Variants in CCSER1 observed in about 807,000 individuals in gnomAD.
CCSER1 encodes the protein serine-rich coiled-coil domain-containing protein 1.
In CCSER1, 41 loss-of-function variants were observed where a neutral mutation model predicts 82.0. That is an observed-to-expected ratio of 0.50 (90% confidence interval 0.39 to 0.65). The LOEUF (loss-of-function observed/expected upper bound fraction) is 0.65, where lower values mean the gene tolerates loss of function less well. Among genes scored for constraint, CCSER1 ranks in the 30% least tolerant of loss-of-function variants. The pLI is 0.00. For missense variants in CCSER1, 1,119 were observed against 1,064.2 expected (o/e 1.05, Z -0.72); for synonymous variants, 414 against 383.9 (o/e 1.08, Z -0.92).
rs1254534712 is a variant in CCSER1 at position 91,581,757 on chromosome 4, A to G, written c.2218-16815A>G. On this transcript the variant is annotated intron_variant, in intron 10 of 10. Transcript: ENST00000509176. Reference sequence around the variant, plus strand: ...TACTGCAGAGTTTCTCAACATTAGCACTATTGACATATTGGACTGGATAAA... The same window carrying G: ...TACTGCAGAGTTTCTCAACATTAGCGCTATTGACATATTGGACTGGATAAA... 1.8e-4 allele frequency among the ~76,000 whole-genome samples: 28 copies of G among 151,610 alleles called. No individual in the cohort carries two copies. The Admixed American group carries it at 1.8e-3, about 10-fold the overall frequency.
intron 1 of CCSER1, among the ~76,000 whole-genome samples, chr4:90,302,232 G>A (rs1050493893): frequency 2.0e-5 from 3 of 152,060 alleles, no homozygotes; most frequent in African/African-American, 7.2e-5. Context: ...ATGGTTTTTG[G>A]CATTAAGAAG....
At chr4:91,015,197 G>T (rs1032735966) in intron 9 of CCSER1, among the ~76,000 whole-genome samples, 5 of 151,886 alleles carry the variant, frequency 3.3e-5, no homozygotes, top group Admixed American at 3.3e-4. Context: ...AAAACATGTG[G>T]TTATCTTCAA....
intron 10 of CCSER1, among the ~76,000 whole-genome samples, chr4:91,486,399 A>G (rs1758222178): frequency 6.6e-6 from 1 of 152,024 alleles, no homozygotes; most frequent in Non-Finnish European, 1.5e-5. Context: ...TTGAAATATT[A>G]CAATGCCTTT....
intron 7 of CCSER1, among the ~76,000 whole-genome samples, chr4:90,814,395 T>C (rs1364535201): frequency 6.6e-6 from 1 of 152,206 alleles, no homozygotes; most frequent in Non-Finnish European, 1.5e-5. Context: ...CCCCATTGTC[T>C]TGGCTATAAC....
intron 1 of CCSER1, among the ~76,000 whole-genome samples, chr4:90,176,949 A>G (rs1485544310): frequency 1.3e-5 from 2 of 152,086 alleles, no homozygotes; most frequent in African/African-American, 4.8e-5. Context: ...TTGGTACATG[A>G]GTTAGCATTA....
At chr4:90,993,408 G>T (rs1269381486) in intron 9 of CCSER1, among the ~76,000 whole-genome samples, 1 of 151,512 alleles carries the variant, frequency 6.6e-6, no homozygotes, top group African/African-American at 2.4e-5. Flanking sequence ...GATAACTAAT[G>T]ATCTATAACA....
At chr4:90,473,059 C>T (rs1764606229) in intron 5 of CCSER1, among the ~76,000 whole-genome samples, 1 of 152,018 alleles carries the variant, frequency 6.6e-6, no homozygotes, top group Non-Finnish European at 1.5e-5. Flanking sequence ...AAAGTATAAC[C>T]AAGTATCCAG....
intron 10 of CCSER1, among the ~76,000 whole-genome samples, chr4:91,186,196 G>T (rs1018020225): frequency 6.6e-6 from 1 of 152,146 alleles, no homozygotes; most frequent in Non-Finnish European, 1.5e-5. Flanking sequence ...AAATAATAAG[G>T]AGGGGTTACA....
Position 90,711,876 on chromosome 4 carries a change from A to C in CCSER1, c.1933-12038A>C, listed in dbSNP as rs7654828. On this transcript the variant is annotated intron_variant, in intron 6 of 10. Coordinates refer to ENST00000509176, the MANE Select transcript of CCSER1 (RefSeq NM_001145065.2). ...TAGGGAGAAGTAGTCCCTTCTTTTT[A>C]ATTTCTTGGTATAGTTTCAATAGAA... 9.2e-3 allele frequency among the ~76,000 whole-genome samples: 1,395 copies of C among 151,704 alleles called. 18 individuals carry two copies. Among genetic ancestry groups the C allele is most frequent in the African/African-American group, 0.031 (1,300 of 41,408 alleles).
At chr4:90,434,866 T>G (rs1476540753) in intron 4 of CCSER1, among the ~76,000 whole-genome samples, 1 of 152,210 alleles carries the variant, frequency 6.6e-6, no homozygotes, top group African/African-American at 2.4e-5. Flanking sequence ...GCGTTTAGAT[T>G]ATTTTACTTG....
rs763258132 is a variant in CCSER1, at chr4:90,308,964, C to T, written c.680C>T (p.Ser227Leu). 27 of 1,613,674 alleles carry T rather than the reference C, an allele frequency of 1.7e-5. No homozygotes were observed. The Admixed American group carries it at 1.8e-4, about 11-fold the overall frequency. Reference sequence around the variant, plus strand: ...AGAGAACCTGTATTAGTAAGAGCTTCGCCATCCTGTTCTGTGGATGTAACA... The same window carrying T: ...AGAGAACCTGTATTAGTAAGAGCTTTGCCATCCTGTTCTGTGGATGTAACA... ...QEREPVLVRA[S>L]PSCSVDVTER... The change falls in exon 2 of 11, where the codon TCG becomes TTG. Residue 227 changes from serine to leucine, a missense_variant. Coordinates refer to ENST00000509176, the MANE Select transcript of CCSER1 (RefSeq NM_001145065.2).
At chr4:91,524,790 T>C (rs1760687277) in intron 10 of CCSER1, among the ~76,000 whole-genome samples, 1 of 152,120 alleles carries the variant, frequency 6.6e-6, no homozygotes, top group Non-Finnish European at 1.5e-5. Flanking sequence ...GAAAAAATAT[T>C]AAGGTAATGC....
At chr4:91,313,979 CTCTA>C (rs1013988553) in intron 10 of CCSER1, among the ~76,000 whole-genome samples, 1 of 151,924 alleles carries the variant, frequency 6.6e-6, no homozygotes, top group African/African-American at 2.4e-5. Context: ...ACCTCCAGAT[CTCTA>C]TCTCTTTTTA....
intron 1 of CCSER1, among the ~76,000 whole-genome samples, chr4:90,228,126 T>C (rs970883638): frequency 6.6e-6 from 1 of 152,050 alleles, no homozygotes; most frequent in African/African-American, 2.4e-5. Flanking sequence ...CCACCACAGC[T>C]CAAGGAGGCC....
chr4:90,316,493 C>T (rs940357216), intron 3 of CCSER1, among the ~76,000 whole-genome samples: 8 of 152,102 alleles, frequency 5.3e-5, no homozygotes, highest in Admixed American at 3.9e-4. Flanking sequence ...ACTTAAAATG[C>T]GGTCATGTTT....
At chr4:90,960,364 T>G (rs1225690525) in intron 9 of CCSER1, among the ~76,000 whole-genome samples, 2 of 152,154 alleles carry the variant, frequency 1.3e-5, no homozygotes, top group Non-Finnish European at 2.9e-5. Context: ...GCACCACTCC[T>G]TTCCCCACAG....
At chr4:91,234,892 A>G (rs1738884929) in intron 10 of CCSER1, among the ~76,000 whole-genome samples, 1 of 152,088 alleles carries the variant, frequency 6.6e-6, no homozygotes, top group Non-Finnish European at 1.5e-5. Flanking sequence ...TTGTTAAATT[A>G]TGGAACATGG....
At chr4:91,387,423 G>A (rs892724645) in intron 10 of CCSER1, among the ~76,000 whole-genome samples, 4 of 151,784 alleles carry the variant, frequency 2.6e-5, no homozygotes, top group African/African-American at 9.7e-5. Flanking sequence ...CAATTTAACT[G>A]TAAAATACTT....
At chr4:91,013,809 G>T (rs1353578679) in intron 9 of CCSER1, among the ~76,000 whole-genome samples, 1 of 125,054 alleles carries the variant, frequency 8.0e-6, no homozygotes, top group Non-Finnish European at 1.8e-5. Context: ...TTTTAGTAGA[G>T]ATGGGGTTTT....
Sources: gnomAD v4.1 joint callset for allele counts (sites outside exome capture counted in the v4.1 genomes callset) on GRCh38, gnomAD v4.1.1 for gene constraint, MANE v1.5 for transcripts, NCBI Gene and HGNC (gene_info 2026-07-23, HGNC 2026-07-21) for gene names.